RADIL: variants seen among roughly 807,000 people sequenced by gnomAD.
The protein encoded by RADIL is ras-associating and dilute domain-containing protein.
RADIL carries 99 observed loss-of-function variants against 97.6 expected under a neutral mutation model. That is an observed-to-expected ratio of 1.01 (90% confidence interval 0.86 to 1.20). The LOEUF (loss-of-function observed/expected upper bound fraction) is 1.20. Among genes scored for constraint, RADIL ranks in the 50% most tolerant of loss-of-function variants. The probability of loss-of-function intolerance (pLI) is 0.00; values close to 1 mark genes in which losing one functional copy is unlikely to be tolerated. For synonymous variants in RADIL, 803 were observed against 691.8 expected (o/e 1.16, Z -2.52); for missense variants, 1,765 against 1,498.9 (o/e 1.18, Z -2.93).
chr7:4,802,011 G>C lies in RADIL; in HGVS notation c.2500-16C>G. The C allele has an allele frequency of 6.7e-7, 1 of 1,483,462 alleles. No homozygotes were observed. 91.9% of individuals were successfully genotyped at this position (1,483,462 alleles called of 1,614,324 possible). On this transcript the variant is annotated splice_polypyrimidine_tract_variant and intron_variant, in intron 11 of 14. Coordinates refer to ENST00000399583, the MANE Select transcript of RADIL (RefSeq NM_018059.5). ...GGTGCATACCCTAGGGAGAGGAAGGGTGACAGCTCAGGTAGAGGAGTGGCC... is the reference window on the plus strand; with the variant it reads ...GGTGCATACCCTAGGGAGAGGAAGGCTGACAGCTCAGGTAGAGGAGTGGCC...
intron 10 of RADIL, among the ~76,000 whole-genome samples, chr7:4,804,308 G>A (rs1022355225): frequency 3.9e-5 from 6 of 152,256 alleles, no homozygotes; most frequent in African/African-American, 7.2e-5. Context: ...GCGGAGGAAG[G>A]ACTTAGAAGG....
Position 4,842,469 on chromosome 7 carries a change from G to C in RADIL, c.536-5864C>G, listed in dbSNP as rs1583300087. ...GCCACCCCCCTCCCCTCCTCGAGAAGGCAGTGCCTAGTGACCCGCTGCTGG... is the reference window on the plus strand; with the variant it reads ...GCCACCCCCCTCCCCTCCTCGAGAACGCAGTGCCTAGTGACCCGCTGCTGG... On this transcript the variant is annotated intron_variant, in intron 2 of 14. Coordinates refer to ENST00000399583, the MANE Select transcript of RADIL (RefSeq NM_018059.5). This position sits in a 1 kb window ranked among gnomAD's most constrained non-coding sequence, Gnocchi z 4.5. Among the ~76,000 whole-genome samples, 1 of 152,186 alleles carries C rather than the reference G, an allele frequency of 6.6e-6. No homozygotes were observed.
chr7:4,851,631 T>C (rs886992074), intron 2 of RADIL, among the ~76,000 whole-genome samples: 2 of 152,108 alleles, frequency 1.3e-5, no homozygotes, highest in Non-Finnish European at 2.9e-5. Flanking sequence ...AATTTGCAAA[T>C]GGTGAACCTG....
Position 4,835,289 on chromosome 7 carries a change from G to A in RADIL, c.784-50C>T. ...CAGGCGTAACGCGAGCAGCACACGG[G>A]AAAAGCGTCCCGTGTCTAGTCACTG... On this transcript the variant is annotated intron_variant, in intron 3 of 14. Coordinates refer to ENST00000399583, the MANE Select transcript of RADIL (RefSeq NM_018059.5). The surrounding 1 kb of genome is among the most constrained non-coding windows in gnomAD (Gnocchi z 5.8). 1.3e-6 allele frequency: 2 copies of A among 1,583,870 alleles called. No homozygotes were observed. The highest frequency in any genetic ancestry group is 1.7e-6 in the Non-Finnish European group (2 of 1,171,828).
chr7:4,809,051 C>G, intron 9 of RADIL: 1 of 935,802 alleles, frequency 1.1e-6, no homozygotes, highest in Non-Finnish European at 1.3e-6. Context: ...CACTGCCCCC[C>G]CGTTCCAATG....
rs374812651 is a variant in RADIL at position 4,861,474 on chromosome 7, C to T, written c.535+16131G>A. 9.8e-5 allele frequency: 158 copies of T among 1,613,942 alleles called. 1 individual carries two copies. The highest frequency in any genetic ancestry group is 1.1e-4 in the Non-Finnish European group (134 of 1,179,924). On this transcript the variant is annotated intron_variant, in intron 2 of 14. Coordinates refer to ENST00000399583, the MANE Select transcript of RADIL (RefSeq NM_018059.5). ...GCAACGCACAAGGCGTCAATATCTGCGCCTTTCGTATGTACTCCTAATCTG... is the reference window on the plus strand; with the variant it reads ...GCAACGCACAAGGCGTCAATATCTGTGCCTTTCGTATGTACTCCTAATCTG...
At chr7:4,861,952 C>A in intron 2 of RADIL, 2 of 490,268 alleles carry the variant, frequency 4.1e-6, no homozygotes, top group South Asian at 7.0e-5. Flanking sequence ...GCTGCGCGCC[C>A]GCCGCTTCAG....
chr7:4,830,553 G>C (rs1358896215), intron 5 of RADIL, among the ~76,000 whole-genome samples: 1 of 152,116 alleles, frequency 6.6e-6, no homozygotes, highest in African/African-American at 2.4e-5. Flanking sequence ...GGAGGAGAAG[G>C]CTCAAAAGAG....
chr7:4,799,198 C>G lies in RADIL; in HGVS notation c.*180G>C, dbSNP rs1384615116. The G allele has an allele frequency of 8.4e-6, 5 of 596,980 alleles. No individual in the cohort carries two copies. Among genetic ancestry groups the G allele is most frequent in the Non-Finnish European group, 9.0e-6 (3 of 334,444 alleles). The allele number at this position is 596,980 out of a possible 1,614,324, so 37.0% of individuals were successfully genotyped here. ...AACAAACATCACAATTTCACGTCAT[C>G]TGCCATATAAATAGAACCTACACTG... is the stretch of plus-strand genomic sequence containing the variant. On this transcript the variant is annotated 3_prime_UTR_variant, in exon 15 of 15. Transcript: ENST00000399583.
rs1428366464 is a variant in RADIL at position 4,821,908 on chromosome 7, A to G, written c.1615+486T>C. ...TGTATTTCCCACATCTTAATCTGTGAAACCGACATAATCTACAATTTCACA... is the reference window on the plus strand; with the variant it reads ...TGTATTTCCCACATCTTAATCTGTGGAACCGACATAATCTACAATTTCACA... On this transcript the variant is annotated intron_variant, in intron 6 of 14. Coordinates refer to ENST00000399583, the MANE Select transcript of RADIL (RefSeq NM_018059.5). The surrounding 1 kb of genome is among the most constrained non-coding windows in gnomAD (Gnocchi z 5.2). Among the ~76,000 whole-genome samples the G allele has an allele frequency of 4.6e-5, 7 of 152,168 alleles. No homozygotes were observed. The highest frequency in any genetic ancestry group is 1.0e-4 in the Non-Finnish European group (7 of 68,022).
chr7:4,800,255 G>C lies in RADIL; in HGVS notation c.2898C>G (p.Ser966=). The C allele has an allele frequency of 6.4e-7, 1 of 1,565,052 alleles. No homozygotes were observed. Among genetic ancestry groups the C allele is most frequent in the Non-Finnish European group, 8.6e-7 (1 of 1,158,636 alleles). The change falls in exon 13 of 15, where the codon TCC becomes TCG. Residue 966 remains serine (S), a synonymous_variant. Transcript: ENST00000399583. ...AGACGTAGCAGAAGTCCTCGGTGCT[G>C]GAGCTGCGGCTGGACGGGGCTGGAG... The part of the protein sequence containing the change: ...ESPPAPSSRS[S]STEDFCYVFT...
At chr7:4,871,937 T>C (rs548563795) in intron 2 of RADIL, among the ~76,000 whole-genome samples, 1 of 152,228 alleles carries the variant, frequency 6.6e-6, no homozygotes, top group East Asian at 1.9e-4. Flanking sequence ...CTAGGGTGCC[T>C]CTTTACAAAG....
chr7:4,883,341 C>T lies in RADIL; in HGVS notation c.-65+255G>A, dbSNP rs1296330173. 6.6e-6 allele frequency among the ~76,000 whole-genome samples: 1 copy of T among 152,136 alleles called. No homozygotes were observed. The highest frequency in any genetic ancestry group is 1.5e-5 in the Non-Finnish European group (1 of 68,002). On this transcript the variant is annotated intron_variant, in intron 1 of 14. Transcript: ENST00000399583. This position sits in a 1 kb window ranked among gnomAD's most constrained non-coding sequence, Gnocchi z 7.1. ...GGGTCGGCAGCGCGGACCCCCGGAT[C>T]CCCGCAGGCTGGGCCGCCCTTGCCC...
At chr7:4,852,314 G>T (rs1053667836) in intron 2 of RADIL, among the ~76,000 whole-genome samples, 4 of 152,210 alleles carry the variant, frequency 2.6e-5, no homozygotes. Context: ...CAAGAGGACA[G>T]AGGGCAGAGC....
At chr7:4,827,388 G>A (rs62450188) in intron 5 of RADIL, among the ~76,000 whole-genome samples, 47,461 of 147,160 alleles carry the variant, frequency 0.32, 12,357 homozygotes, top group African/African-American at 0.73. Flanking sequence ...GGCCGGGTGC[G>A]GTGGCTCACG....
At position 4,817,125 on chromosome 7, in the gene RADIL, C is replaced by G. The variant is rs1435240193; in HGVS notation, c.1728+114G>C. On this transcript the variant is annotated intron_variant, in intron 7 of 14. Transcript: ENST00000399583. The surrounding 1 kb of genome is among the most constrained non-coding windows in gnomAD (Gnocchi z 8.3). ...CTCCCTGATGAAGTGGAGCTTGTCACGGTCCCCTCCCTCAGCCCCCCAGAA... is the reference window on the plus strand; with the variant it reads ...CTCCCTGATGAAGTGGAGCTTGTCAGGGTCCCCTCCCTCAGCCCCCCAGAA... 1 of 867,402 alleles carries G rather than the reference C, an allele frequency of 1.2e-6. No individual in the cohort carries two copies. Among genetic ancestry groups the G allele is most frequent in the African/African-American group, 1.7e-5 (1 of 59,070 alleles). 53.7% of individuals were successfully genotyped at this position (867,402 alleles called of 1,614,324 possible).
Position 4,816,388 on chromosome 7 carries a change from G to A in RADIL, c.1806C>T (p.Ala602=), listed in dbSNP as rs1782678664. 2 of 1,609,618 alleles carry A rather than the reference G, an allele frequency of 1.2e-6. No individual in the cohort carries two copies. The highest frequency in any genetic ancestry group is 1.1e-5 in the South Asian group (1 of 90,464). ...GGCGCAGCTCCTCGGGCAGTTCGGG[G>A]GCCGAGGACCAGCTCTCACGGCGCT... is the stretch of plus-strand genomic sequence containing the variant. ...QTERRESWSS[A]PELPEELRRV... is the part of the protein sequence containing the mutation. Residue 602 remains alanine, a synonymous_variant, in exon 8 of 15, where the codon GCC becomes GCT. Transcript: ENST00000399583.
intron 2 of RADIL, chr7:4,861,924 G>T (rs1046383365): frequency 1.6e-6 from 1 of 615,596 alleles, no homozygotes; most frequent in Non-Finnish European, 2.5e-6. Context: ...GCCCTGGTCC[G>T]ACCCCACTCC....
rs995116048 is a variant in RADIL, at chr7:4,883,637, C to T, written c.-106G>A. Reference sequence around the variant, plus strand: ...CGCGCCGCCACGTTCCCGCGCTGCTCCCACCCGCCGTTGGCTGGGGCCGGC... The same window carrying T: ...CGCGCCGCCACGTTCCCGCGCTGCTTCCACCCGCCGTTGGCTGGGGCCGGC... On this transcript the variant is annotated 5_prime_UTR_variant, in exon 1 of 15. Coordinates refer to ENST00000399583, the MANE Select transcript of RADIL (RefSeq NM_018059.5). This position sits in a 1 kb window ranked among gnomAD's most constrained non-coding sequence, Gnocchi z 7.1. 9 of 151,948 alleles carry T rather than the reference C, an allele frequency of 5.9e-5. No individual in the cohort carries two copies. The highest frequency in any genetic ancestry group is 2.2e-4 in the African/African-American group (9 of 41,422). The allele number at this position is 151,948 out of a possible 1,614,324, so 9.4% of individuals were successfully genotyped here. A position where few individuals can be genotyped will look rare whatever the true frequency, so the allele number is the denominator to read the frequency against.
Sources: allele counts gnomAD v4.1 joint callset (sites outside exome capture counted in the v4.1 genomes callset), GRCh38; gene constraint gnomAD v4.1.1; non-coding constraint Gnocchi (gnomAD v3.1); transcripts MANE v1.5; gene names NCBI Gene and HGNC (gene_info 2026-07-23, HGNC 2026-07-21).